The following DLG2 variants were observed in gnomAD, a reference collection of about 807,000 sequenced individuals.
The protein encoded by DLG2 is disks large homolog 2.
In DLG2, 45 loss-of-function variants were observed where a neutral mutation model predicts 132.5. The ratio of observed to expected loss-of-function variants is 0.34; its 90% CI spans 0.27 to 0.44. The LOEUF (loss-of-function observed/expected upper bound fraction) is 0.44, where lower values mean the gene tolerates loss of function less well. Ranked by LOEUF, DLG2 falls within the 20% of genes least tolerant of loss-of-function variation. The pLI is 1.00. For synonymous variants in DLG2, 424 were observed against 419.6 expected, an observed-to-expected ratio of 1.01 and a Z score of -0.13; for missense variants, 1,045 against 1,196.9, an observed-to-expected ratio of 0.87 and a Z score of 1.87.
At chr11:84,373,717 T>C (rs1445964491) in intron 7 of DLG2, among the ~76,000 whole-genome samples, 3 of 152,184 alleles carry the variant, frequency 2.0e-5, no homozygotes, top group East Asian at 1.9e-4. Flanking sequence ...ACATCAAAGA[T>C]CCTTATTTTT....
intron 18 of DLG2, among the ~76,000 whole-genome samples, chr11:83,708,775 A>G (rs2084662056): frequency 6.6e-6 from 1 of 152,106 alleles, no homozygotes; most frequent in Non-Finnish European, 1.5e-5. Context: ...TTAATGGGAT[A>G]TGGAACCCAG....
chr11:83,786,337 C>A, intron 18 of DLG2: 1 of 197,628 alleles, frequency 5.1e-6, no homozygotes, highest in South Asian at 1.1e-4. Flanking sequence ...TCTATTTCTG[C>A]AGATGAAATC....
chr11:83,623,057 T>G (rs2061882277), intron 19 of DLG2, among the ~76,000 whole-genome samples: 1 of 152,176 alleles, frequency 6.6e-6, no homozygotes, highest in Non-Finnish European at 1.5e-5. Context: ...GACTAAGTCT[T>G]TTCATAGGTC....
At chr11:84,865,559 A>C (rs1457675744) in intron 6 of DLG2, among the ~76,000 whole-genome samples, 1 of 152,150 alleles carries the variant, frequency 6.6e-6, no homozygotes, top group African/African-American at 2.4e-5. Context: ...AATCACACCA[A>C]ATTCTAAATG....
intron 8 of DLG2, among the ~76,000 whole-genome samples, chr11:84,193,917 T>G (rs1310275458): frequency 1.3e-5 from 2 of 152,142 alleles, no homozygotes; most frequent in African/African-American, 4.8e-5. Flanking sequence ...AATCCTACAT[T>G]ACCACAGAAT....
At chr11:83,538,777 C>T (rs981482170) in intron 20 of DLG2, among the ~76,000 whole-genome samples, 2 of 152,210 alleles carry the variant, frequency 1.3e-5, no homozygotes, top group African/African-American at 4.8e-5. Context: ...GCCTGCATTG[C>T]CCTAATCGCA....
intron 7 of DLG2, among the ~76,000 whole-genome samples, chr11:84,307,695 CAAAAAA>C (rs1222486667): frequency 1.0e-4 from 8 of 78,022 alleles, no homozygotes; most frequent in Admixed American, 9.7e-4. Context: ...GACGCAGTCT[CAAAAAA>C]AAAAAAAAAA....
At chr11:85,286,920 G>A (rs1037399589) in intron 3 of DLG2, among the ~76,000 whole-genome samples, 1 of 152,106 alleles carries the variant, frequency 6.6e-6, no homozygotes, top group African/African-American at 2.4e-5. Flanking sequence ...CCCTGCTACA[G>A]TGGGGGAATA....
intron 6 of DLG2, among the ~76,000 whole-genome samples, chr11:84,849,227 A>G (rs2081890046): frequency 6.6e-6 from 1 of 152,194 alleles, no homozygotes. Context: ...AAGTCAACTC[A>G]TAGAACACTG....
At chr11:84,811,259 T>C (rs1242952637) in intron 6 of DLG2, among the ~76,000 whole-genome samples, 1 of 152,106 alleles carries the variant, frequency 6.6e-6, no homozygotes, top group Non-Finnish European at 1.5e-5. Flanking sequence ...GTATATAAGG[T>C]ATGCATGTGT....
At chr11:85,341,038 C>A (rs1489630686) in intron 3 of DLG2, among the ~76,000 whole-genome samples, 1 of 152,118 alleles carries the variant, frequency 6.6e-6, no homozygotes, top group Non-Finnish European at 1.5e-5. Context: ...TGACTGAATT[C>A]TTTTCTTGTT....
Position 83,858,526 on chromosome 11 carries a change from G to A in DLG2, c.1565+15894C>T, listed in dbSNP as rs181882422. Among the ~76,000 whole-genome samples the A allele has an allele frequency of 9.2e-5, 14 of 152,220 alleles. 1 individual carries two copies. The East Asian group carries it at 2.5e-3, about 27-fold the overall frequency. On this transcript the variant is annotated intron_variant, in intron 16 of 27. Coordinates refer to ENST00000376104, the MANE Select transcript of DLG2 (RefSeq NM_001142699.3). ...TGACTTCTGGTCTTGAATTTGTTGT[G>A]GCCTTGGAAAATCTTCTGCCTGTCT...
At chr11:83,869,244 GA>G (rs1195205008) in intron 16 of DLG2, among the ~76,000 whole-genome samples, 2 of 151,900 alleles carry the variant, frequency 1.3e-5, no homozygotes, top group African/African-American at 4.8e-5. Context: ...GTACTTAGAG[GA>G]AAAAAAGACG....
intron 11 of DLG2, among the ~76,000 whole-genome samples, chr11:83,997,829 G>A (rs2094132969): frequency 1.4e-5 from 2 of 146,932 alleles, no homozygotes; most frequent in South Asian, 4.4e-4. Context: ...GGAAAGAAGA[G>A]GTGACAATTT....
At chr11:84,397,523 C>A (rs1334114103) in intron 7 of DLG2, among the ~76,000 whole-genome samples, 1 of 152,186 alleles carries the variant, frequency 6.6e-6, no homozygotes. Context: ...CCTCATGAAA[C>A]CACTTGTGCA....
chr11:84,168,686 T>G lies in DLG2; in HGVS notation c.574-5175A>C, dbSNP rs543507039. Among the ~76,000 whole-genome samples the G allele has an allele frequency of 3.9e-5, 6 of 152,306 alleles. No homozygotes were observed. In the South Asian group the frequency reaches 1.2e-3, roughly 32 times the overall value. On this transcript the variant is annotated intron_variant, in intron 8 of 27. Coordinates refer to ENST00000376104, the MANE Select transcript of DLG2 (RefSeq NM_001142699.3). ...AGAAGACCTTGGTTGCTAATGGGGA[T>G]GCCATGCCTACTGGGCCCATGCCTT... is the stretch of plus-strand genomic sequence containing the variant.
intron 8 of DLG2, among the ~76,000 whole-genome samples, chr11:84,217,492 G>A (rs551432026): frequency 6.6e-6 from 1 of 152,152 alleles, no homozygotes; most frequent in Non-Finnish European, 1.5e-5. Context: ...CATGGAACTT[G>A]TGAGTCCATT....
intron 17 of DLG2, among the ~76,000 whole-genome samples, chr11:83,816,003 AC>A (rs1001243730): frequency 6.6e-6 from 1 of 152,094 alleles, no homozygotes; most frequent in African/African-American, 2.4e-5. Flanking sequence ...CTTAAGCATC[AC>A]TGTGTCTAAT....
At chr11:85,242,037 G>A (rs1320895149) in intron 4 of DLG2, among the ~76,000 whole-genome samples, 3 of 151,868 alleles carry the variant, frequency 2.0e-5, no homozygotes, top group Non-Finnish European at 4.4e-5. Flanking sequence ...TCATTTATAT[G>A]TCTGTCAGGT....
Sources: allele counts gnomAD v4.1 joint callset (sites outside exome capture counted in the v4.1 genomes callset), GRCh38; gene constraint gnomAD v4.1.1; transcripts MANE v1.5; gene names NCBI Gene and HGNC (gene_info 2026-07-23, HGNC 2026-07-21).